Variants in CCDC85C observed in about 807,000 individuals in gnomAD.
CCDC85C encodes the protein coiled-coil domain containing 85C.
CCDC85C carries 18 observed loss-of-function variants against 38.3 expected under a neutral mutation model. The ratio of observed to expected loss-of-function variants is 0.47; its 90% CI spans 0.33 to 0.70. The LOEUF (loss-of-function observed/expected upper bound fraction) is 0.70, where lower values mean the gene tolerates loss of function less well. Ranked by LOEUF, CCDC85C falls within the 30% of genes least tolerant of loss-of-function variation. CCDC85C has a pLI of 0.03. For missense variants in CCDC85C, 566 were observed against 621.2 expected (o/e 0.91, Z 0.94); for synonymous variants, 264 against 293.8 (o/e 0.90, Z 1.04).
In CCDC85C at chr14:99,501,391, G is replaced by A; in HGVS notation, c.*13855C>T. 1 of 1,605,524 alleles carries A rather than the reference G, an allele frequency of 6.2e-7. No homozygotes were observed. On this transcript the variant is annotated 3_prime_UTR_variant, in exon 6 of 6. Coordinates refer to ENST00000380243, the MANE Select transcript of CCDC85C (RefSeq NM_001144995.2). Reference sequence around the variant, plus strand: ...CAAAATTCAAAAGTTGGTTCAAATGGCATGGACATTTGTAAATGACAGGTA... The same window carrying A: ...CAAAATTCAAAAGTTGGTTCAAATGACATGGACATTTGTAAATGACAGGTA...
At position 99,576,286 on chromosome 14, in the gene CCDC85C, T is replaced by G. The variant is rs545128322; in HGVS notation, c.793+26881A>C. Among the ~76,000 whole-genome samples the G allele has an allele frequency of 6.6e-6, 1 of 152,302 alleles. No homozygotes were observed. The highest frequency in any genetic ancestry group is 1.9e-4 in the East Asian group (1 of 5,178). On this transcript the variant is annotated intron_variant, in intron 1 of 5. Coordinates refer to ENST00000380243, the MANE Select transcript of CCDC85C (RefSeq NM_001144995.2). The surrounding 1 kb of genome is among the most constrained non-coding windows in gnomAD (Gnocchi z 4.8). ...CCGAAGCCCACCCTCTGACCCCATC[T>G]AAAATCCAGGGCCAGGGCCCCTCGA... is the stretch of plus-strand genomic sequence containing the variant.
intron 1 of CCDC85C, among the ~76,000 whole-genome samples, chr14:99,602,318 G>T (rs1013841877): frequency 4.6e-5 from 7 of 152,226 alleles, no homozygotes; most frequent in African/African-American, 1.4e-4. Context: ...TAACATGGGC[G>T]TAGAAGACAG....
intron 1 of CCDC85C, among the ~76,000 whole-genome samples, chr14:99,554,505 G>A (rs1266037927): frequency 6.6e-6 from 1 of 152,250 alleles, no homozygotes; most frequent in Non-Finnish European, 1.5e-5. Flanking sequence ...CAGGGGGTAA[G>A]CGCATGCTGG....
intron 2 of CCDC85C, among the ~76,000 whole-genome samples, chr14:99,523,739 T>G (rs1014619806): frequency 4.6e-5 from 7 of 151,916 alleles, no homozygotes; most frequent in Admixed American, 2.0e-4. Context: ...GCCCCCAAAG[T>G]GTGATGGGTT....
intron 1 of CCDC85C, among the ~76,000 whole-genome samples, chr14:99,571,781 T>C (rs2021095): frequency 0.61 from 93,291 of 152,076 alleles, 29,247 homozygotes; most frequent in African/African-American, 0.76. Context: ...TTCAGGCAGG[T>C]AGGTGCCCAG....
rs933034963 is a variant in CCDC85C at position 99,535,259 on chromosome 14, G to C, written c.867+756C>G. Reference sequence around the variant, plus strand: ...GCTCACGGCGCAGTGGGAAAAGCAGGGAGAGGGAGACTGGGATGAAGCCAG... The same window carrying C: ...GCTCACGGCGCAGTGGGAAAAGCAGCGAGAGGGAGACTGGGATGAAGCCAG... On this transcript the variant is annotated intron_variant, in intron 2 of 5. Coordinates refer to ENST00000380243, the MANE Select transcript of CCDC85C (RefSeq NM_001144995.2). The surrounding 1 kb of genome is among the most constrained non-coding windows in gnomAD (Gnocchi z 5.5). 6.6e-6 allele frequency among the ~76,000 whole-genome samples: 1 copy of C among 152,322 alleles called. No homozygotes were observed. The highest frequency in any genetic ancestry group is 2.4e-5 in the African/African-American group (1 of 41,568).
At chr14:99,517,593 C>T (rs2139896864) in intron 3 of CCDC85C, among the ~76,000 whole-genome samples, 1 of 152,316 alleles carries the variant, frequency 6.6e-6, no homozygotes, top group East Asian at 1.9e-4. Context: ...TGACTCCAAA[C>T]TCCCTTCCCC....
intron 1 of CCDC85C, among the ~76,000 whole-genome samples, chr14:99,561,159 C>T (rs763581667): frequency 5.3e-5 from 8 of 152,234 alleles, no homozygotes; most frequent in Non-Finnish European, 1.0e-4. Context: ...CCAGGGCTCC[C>T]GACAAGCCAC....
rs1489219541 is a variant in CCDC85C at position 99,572,564 on chromosome 14, A to G, written c.793+30603T>C. On this transcript the variant is annotated intron_variant, in intron 1 of 5. Transcript: ENST00000380243. This position sits in a 1 kb window ranked among gnomAD's most constrained non-coding sequence, Gnocchi z 4.4. Reference sequence around the variant, plus strand: ...CCTTCGGTCACCAGAGTCCAGCCACAGGGCCTGGTCAGCTCCGGGAAAGCT... The same window carrying G: ...CCTTCGGTCACCAGAGTCCAGCCACGGGGCCTGGTCAGCTCCGGGAAAGCT... Among the ~76,000 whole-genome samples the G allele has an allele frequency of 6.6e-6, 1 of 152,214 alleles. No individual in the cohort carries two copies. The highest frequency in any genetic ancestry group is 1.5e-5 in the Non-Finnish European group (1 of 68,032).
At chr14:99,536,855 AT>A (rs1227676035) in intron 1 of CCDC85C, among the ~76,000 whole-genome samples, 2 of 151,910 alleles carry the variant, frequency 1.3e-5, no homozygotes, top group Non-Finnish European at 2.9e-5. Flanking sequence ...AAAAAATCCC[AT>A]CCCCACCCCC....
chr14:99,601,509 T>A (rs911076558), intron 1 of CCDC85C, among the ~76,000 whole-genome samples: 1 of 152,222 alleles, frequency 6.6e-6, no homozygotes, highest in African/African-American at 2.4e-5. Flanking sequence ...TCTTGCCAAG[T>A]GTCATTGATG....
At position 99,504,766 on chromosome 14, in the gene CCDC85C, A is replaced by C. The variant is rs903242454; in HGVS notation, c.*10480T>G. On this transcript the variant is annotated 3_prime_UTR_variant, in exon 6 of 6. Transcript: ENST00000380243. ...TGCCCAGCCTACAGGTGAATTTTTTAATTAGCTTCAAATTGACCGACATTA... is the reference window on the plus strand; with the variant it reads ...TGCCCAGCCTACAGGTGAATTTTTTCATTAGCTTCAAATTGACCGACATTA... 28 of 152,190 alleles carry C rather than the reference A, an allele frequency of 1.8e-4. 1 individual carries two copies. Among genetic ancestry groups the C allele is most frequent in the Admixed American group, 6.5e-5 (1 of 15,278 alleles). 9.4% of individuals were successfully genotyped at this position (152,190 alleles called of 1,614,324 possible).
rs1341354094 is a variant in CCDC85C, at chr14:99,545,528, A to G, written c.794-9440T>C. Reference sequence around the variant, plus strand: ...AAAAGAATTCCTTCCCTGTGCCTTCAAGGGCTGCACGCATCTGGAAATTGA... The same window carrying G: ...AAAAGAATTCCTTCCCTGTGCCTTCGAGGGCTGCACGCATCTGGAAATTGA... On this transcript the variant is annotated intron_variant, in intron 1 of 5. Transcript: ENST00000380243. This position sits in a 1 kb window ranked among gnomAD's most constrained non-coding sequence, Gnocchi z 4.7. 6.6e-6 allele frequency among the ~76,000 whole-genome samples: 1 copy of G among 152,142 alleles called. No individual in the cohort carries two copies. Among genetic ancestry groups the G allele is most frequent in the African/African-American group, 2.4e-5 (1 of 41,426 alleles).
chr14:99,601,179 C>T (rs1272698102), intron 1 of CCDC85C, among the ~76,000 whole-genome samples: 1 of 152,174 alleles, frequency 6.6e-6, no homozygotes, highest in Non-Finnish European at 1.5e-5. Flanking sequence ...CCATCTGTAA[C>T]CGAAATTTGT....
At position 99,565,965 on chromosome 14, in the gene CCDC85C, G is replaced by A. The variant is rs115922137; in HGVS notation, c.794-29877C>T. 1.3e-3 allele frequency among the ~76,000 whole-genome samples: 197 copies of A among 152,334 alleles called. 1 individual carries two copies. The highest frequency in any genetic ancestry group is 4.6e-3 in the African/African-American group (190 of 41,568). On this transcript the variant is annotated intron_variant, in intron 1 of 5. Transcript: ENST00000380243. ...TGCTGCGCCCGTCTGCTCCAGCCCC[G>A]AGCCCAGAGGCACAATGAGCTGTCG... is the stretch of plus-strand genomic sequence containing the variant.
In CCDC85C at chr14:99,588,272, A is replaced by T. The variant is rs1471711093; in HGVS notation, c.793+14895T>A. On this transcript the variant is annotated intron_variant, in intron 1 of 5. Transcript: ENST00000380243. This position sits in a 1 kb window ranked among gnomAD's most constrained non-coding sequence, Gnocchi z 5.0. ...GCAGCTGGCATGGTGGTACACCAGC[A>T]CCTTTCTGAGTTAAACATTGGTGAG... Among the ~76,000 whole-genome samples, 1 of 151,926 alleles carries T rather than the reference A, an allele frequency of 6.6e-6. No individual in the cohort carries two copies. Among genetic ancestry groups the T allele is most frequent in the Non-Finnish European group, 1.5e-5 (1 of 67,996 alleles).
Position 99,506,101 on chromosome 14 carries a change from A to G in CCDC85C, c.*9145T>C, listed in dbSNP as rs1431916569. 6.6e-6 allele frequency: 1 copy of G among 152,530 alleles called. No homozygotes were observed. The highest frequency in any genetic ancestry group is 2.4e-5 in the African/African-American group (1 of 41,470). The allele number at this position is 152,530 out of a possible 1,614,324, so 9.4% of individuals were successfully genotyped here. A position where few individuals can be genotyped will look rare whatever the true frequency, so the allele number is the denominator to read the frequency against. ...TGGTTTTGGTGGCAAGATGGACGCT[A>G]GAAATGTAGGTTTGTAGTTGTCCAC... On this transcript the variant is annotated 3_prime_UTR_variant, in exon 6 of 6. Transcript: ENST00000380243.
At chr14:99,591,469 C>T (rs879688907) in intron 1 of CCDC85C, among the ~76,000 whole-genome samples, 10 of 152,218 alleles carry the variant, frequency 6.6e-5, no homozygotes, top group Admixed American at 3.3e-4. Context: ...GCTGAGTGCG[C>T]GAGGGCTGCA....
At chr14:99,564,294 G>T (rs1224801551) in intron 1 of CCDC85C, among the ~76,000 whole-genome samples, 1 of 152,198 alleles carries the variant, frequency 6.6e-6, no homozygotes, top group East Asian at 1.9e-4. Context: ...CCAGGGTCTT[G>T]CACTCTCCTC....
Sources: gnomAD v4.1 joint callset for allele counts (sites outside exome capture counted in the v4.1 genomes callset) on GRCh38, gnomAD v4.1.1 for gene constraint, Gnocchi (gnomAD v3.1) non-coding constraint, MANE v1.5 for transcripts, NCBI Gene and HGNC (gene_info 2026-07-23, HGNC 2026-07-21) for gene names.